Variants in TBC1D5 observed in about 807,000 individuals in gnomAD.
TBC1D5 encodes the protein TBC1 domain family member 5, also known as TBC1 domain family, member 5.
In TBC1D5, 75 loss-of-function variants were observed where a neutral mutation model predicts 100.3. The observed-to-expected ratio is 0.75, with a 90% CI of 0.62 to 0.91. The LOEUF is 0.91. Ranked by LOEUF, TBC1D5 falls within the 40% of genes least tolerant of loss-of-function variation. The pLI, the probability that TBC1D5 is intolerant of heterozygous loss-of-function variation, is 0.00. For synonymous variants in TBC1D5, 323 were observed against 325.6 expected, an observed-to-expected ratio of 0.99 and a Z score of 0.09; for missense variants, 910 against 942.4, an observed-to-expected ratio of 0.97 and a Z score of 0.45.
rs766680543 is a variant in TBC1D5 at position 17,680,415 on chromosome 3, T to C, written c.-100-56502A>G. 4.6e-5 allele frequency among the ~76,000 whole-genome samples: 7 copies of C among 150,994 alleles called. No individual in the cohort carries two copies. The South Asian group carries it at 8.3e-4, about 18-fold the overall frequency. On this transcript the variant is annotated intron_variant, in intron 1 of 21. Transcript: ENST00000253692. Reference sequence around the variant, plus strand: ...TTTTTTATTTTTATATTTGTAGAGATAGGATCTCCCTATGTTCCTCAGGTT... The same window carrying C: ...TTTTTTATTTTTATATTTGTAGAGACAGGATCTCCCTATGTTCCTCAGGTT...
intron 16 of TBC1D5, 31 bp downstream of exon 16, chr3:17,258,475 T>C: frequency 6.3e-7 from 1 of 1,592,382 alleles, no homozygotes; most frequent in Non-Finnish European, 8.6e-7. Context: ...CCTTTGTGAT[T>C]TATAACTATC....
chr3:17,213,438 T>G (rs1033392954), intron 18 of TBC1D5, among the ~76,000 whole-genome samples: 5 of 152,234 alleles, frequency 3.3e-5, no homozygotes, highest in South Asian at 4.1e-4. Context: ...GCAGTGGATA[T>G]GCCTTAGCTA....
intron 3 of TBC1D5, among the ~76,000 whole-genome samples, chr3:17,441,921 T>C (rs2094667626): frequency 1.3e-5 from 2 of 152,140 alleles, no homozygotes; most frequent in Non-Finnish European, 2.9e-5. Flanking sequence ...GTTCCACCCA[T>C]AATGGAGTAC....
At chr3:17,392,315 AT>A (rs1374056063) in intron 8 of TBC1D5, among the ~76,000 whole-genome samples, 2 of 152,074 alleles carry the variant, frequency 1.3e-5, no homozygotes, top group Non-Finnish European at 2.9e-5. Context: ...GTCCAGTCTT[AT>A]GCTAACATCT....
chr3:17,703,286 G>GA (rs928217592), intron 1 of TBC1D5, among the ~76,000 whole-genome samples: 13 of 141,194 alleles, frequency 9.2e-5, no homozygotes, highest in South Asian at 4.4e-4. Flanking sequence ...TTTCTGTGGA[G>GA]AAAAAAAAAA....
intron 1 of TBC1D5, among the ~76,000 whole-genome samples, chr3:17,655,785 T>G (rs1560389102): frequency 6.6e-6 from 1 of 152,030 alleles, no homozygotes; most frequent in African/African-American, 2.4e-5. Context: ...GGATAAGAAA[T>G]ACTCAACTTG....
At chr3:17,651,151 C>CA (rs1055195811) in intron 1 of TBC1D5, among the ~76,000 whole-genome samples, 5 of 151,730 alleles carry the variant, frequency 3.3e-5, no homozygotes, top group Non-Finnish European at 5.9e-5. Context: ...TTATTTGAAT[C>CA]AAAAAAATTC....
At chr3:17,355,890 G>A (rs933181931) in intron 13 of TBC1D5, among the ~76,000 whole-genome samples, 3 of 152,096 alleles carry the variant, frequency 2.0e-5, no homozygotes, top group African/African-American at 7.2e-5. Context: ...TATAAAACAG[G>A]TTTCTAATGT....
chr3:17,161,303 C>A, intron 21 of TBC1D5, 47 bp from the exon 23 acceptor site: 1 of 1,556,646 alleles, frequency 6.4e-7, no homozygotes, highest in Non-Finnish European at 8.7e-7. Flanking sequence ...AAGAAACTGG[C>A]AAAGAACTGA....
intron 13 of TBC1D5, 113 bp from the exon 14 acceptor site, chr3:17,308,247 T>C: frequency 9.8e-7 from 1 of 1,018,928 alleles, no homozygotes. Flanking sequence ...GCAAATATTA[T>C]ATATCAAAAA....
chr3:17,591,324 A>C (rs920559835), intron 2 of TBC1D5, among the ~76,000 whole-genome samples: 1 of 149,958 alleles, frequency 6.7e-6, no homozygotes, highest in Non-Finnish European at 1.5e-5. Context: ...GATAGTTTAC[A>C]GATCCAGAAA....
intron 1 of TBC1D5, among the ~76,000 whole-genome samples, chr3:17,690,780 A>C (rs572991806): frequency 6.6e-6 from 1 of 152,158 alleles, no homozygotes; most frequent in Admixed American, 6.5e-5. Flanking sequence ...TCCGAAAACC[A>C]TATCTCCACC....
rs1398468827 is a variant in TBC1D5, at chr3:17,295,494, T to C, written c.1139-3493A>G. 2.0e-5 allele frequency among the ~76,000 whole-genome samples: 3 copies of C among 152,176 alleles called. No individual in the cohort carries two copies. In the East Asian group the frequency reaches 5.8e-4, roughly 29 times the overall value. On this transcript the variant is annotated intron_variant, in intron 14 of 21. Transcript: ENST00000253692. ...GTGCCCCACAACTATTCTGGAGTGGTCTGAAGAGATGGTTTACTTTCTCCA... is the reference window on the plus strand; with the variant it reads ...GTGCCCCACAACTATTCTGGAGTGGCCTGAAGAGATGGTTTACTTTCTCCA...
intron 8 of TBC1D5, among the ~76,000 whole-genome samples, chr3:17,386,772 C>T (rs977498931): frequency 1.8e-4 from 27 of 152,132 alleles, no homozygotes; most frequent in African/African-American, 4.3e-4. Context: ...ATTCACGAAT[C>T]GTTCATTGCT....
At chr3:17,525,574 G>A (rs1314182436) in intron 2 of TBC1D5, among the ~76,000 whole-genome samples, 1 of 151,996 alleles carries the variant, frequency 6.6e-6, no homozygotes, top group Non-Finnish European at 1.5e-5. Flanking sequence ...ACTTTATAAA[G>A]CTTACTACTG....
chr3:17,451,488 A>G (rs547097999), intron 3 of TBC1D5, among the ~76,000 whole-genome samples: 2 of 152,334 alleles, frequency 1.3e-5, no homozygotes, highest in South Asian at 4.1e-4. Context: ...TCATCAAAAA[A>G]AAGTCAGGAA....
chr3:17,640,265 TA>T (rs1027606534), intron 1 of TBC1D5, among the ~76,000 whole-genome samples: 1 of 152,002 alleles, frequency 6.6e-6, no homozygotes, highest in South Asian at 2.1e-4. Flanking sequence ...TCTTTTTATT[TA>T]AAAAAAATCA....
At chr3:17,161,380 T>C in intron 21 of TBC1D5, 124 bp from the exon 23 acceptor site, 1 of 1,100,140 alleles carries the variant, frequency 9.1e-7, no homozygotes, top group Non-Finnish European at 1.3e-6. Flanking sequence ...ACATTCGACC[T>C]TGAAAGACGC....
At chr3:17,706,869 T>G (rs4909011) in intron 1 of TBC1D5, among the ~76,000 whole-genome samples, 6 of 150,954 alleles carry the variant, frequency 4.0e-5, no homozygotes, top group African/African-American at 1.2e-4. Flanking sequence ...CTTTTTTTTT[T>G]AAAAAAAGTC....
Sources: allele counts gnomAD v4.1 joint callset (sites outside exome capture counted in the v4.1 genomes callset), GRCh38; gene constraint gnomAD v4.1.1; transcripts MANE v1.5; gene names NCBI Gene and HGNC (gene_info 2026-07-23, HGNC 2026-07-21).